EYS: variants seen among roughly 807,000 people sequenced by gnomAD.
EYS encodes the protein protein eyes shut homolog.
A neutral mutation model predicts 282.1 loss-of-function variants in EYS; 250 were observed. The ratio of observed to expected loss-of-function variants is 0.89; its 90% CI spans 0.80 to 0.98. The LOEUF (loss-of-function observed/expected upper bound fraction) is 0.98. Among genes scored for constraint, EYS ranks in the 50% least tolerant of loss-of-function variants. The pLI, the probability that EYS is intolerant of heterozygous loss-of-function variation, is 0.00. For synonymous variants in EYS, 1,355 were observed against 1,282.9 expected, an observed-to-expected ratio of 1.06 and a Z score of -1.20; for missense variants, 4,016 against 3,709.0, an observed-to-expected ratio of 1.08 and a Z score of -2.15.
intron 26 of EYS, among the ~76,000 whole-genome samples, chr6:64,468,139 C>A (rs1775985473): frequency 2.0e-5 from 3 of 152,140 alleles, no homozygotes; most frequent in Admixed American, 6.5e-5. Flanking sequence ...ATCAGCACAT[C>A]CAGCTTGTTG....
At chr6:65,256,051 G>A (rs1016297141) in intron 12 of EYS, among the ~76,000 whole-genome samples, 2 of 151,950 alleles carry the variant, frequency 1.3e-5, no homozygotes, top group African/African-American at 4.8e-5. Flanking sequence ...GCATTCCCGT[G>A]CTGCTTGCAG....
chr6:63,990,369 A>C (rs1582090168), intron 34 of EYS, among the ~76,000 whole-genome samples: 1 of 151,632 alleles, frequency 6.6e-6, no homozygotes, highest in Admixed American at 6.6e-5. Context: ...GCTGTAAGGA[A>C]AATTTATGGC....
intron 21 of EYS, among the ~76,000 whole-genome samples, chr6:64,818,111 T>G (rs1295009954): frequency 6.6e-6 from 1 of 152,152 alleles, no homozygotes; most frequent in Non-Finnish European, 1.5e-5. Flanking sequence ...TAATACTGCT[T>G]CCATGTAAAT....
chr6:64,694,255 C>G (rs1357464967), intron 22 of EYS, among the ~76,000 whole-genome samples: 1 of 152,042 alleles, frequency 6.6e-6, no homozygotes, highest in African/African-American at 2.4e-5. Flanking sequence ...GAACTTTTAT[C>G]CATGAAGGAA....
At chr6:64,451,171 G>A (rs1392310011) in intron 26 of EYS, among the ~76,000 whole-genome samples, 1 of 152,100 alleles carries the variant, frequency 6.6e-6, no homozygotes, top group African/African-American at 2.4e-5. Context: ...AAATGACAAA[G>A]GGGATATCAC....
chr6:65,550,329 T>TTTTTTATTTTTTTTTA (rs1336931694), intron 2 of EYS, among the ~76,000 whole-genome samples: 1 of 38,676 alleles, frequency 2.6e-5, no homozygotes, highest in African/African-American at 2.5e-4. Context: ...CTGAGAGTTG[T>TTTTTTATTTTTTTTTA]TTTTTATTTA....
At chr6:65,602,986 C>T (rs1481434653) in intron 2 of EYS, among the ~76,000 whole-genome samples, 2 of 151,872 alleles carry the variant, frequency 1.3e-5, no homozygotes, top group East Asian at 1.9e-4. Context: ...GAAGCAGGTT[C>T]GGTAAGGGAT....
chr6:64,143,198 A>G (rs996573673), intron 31 of EYS, among the ~76,000 whole-genome samples: 2 of 152,090 alleles, frequency 1.3e-5, no homozygotes, highest in South Asian at 4.1e-4. Flanking sequence ...TGCACAGAGG[A>G]TCTTTAAGGC....
chr6:64,482,807 A>G (rs1397952129), intron 26 of EYS, among the ~76,000 whole-genome samples: 2 of 151,618 alleles, frequency 1.3e-5, no homozygotes, highest in Non-Finnish European at 3.0e-5. Flanking sequence ...GTAGCTAACA[A>G]TTTTTTTACC....
intron 32 of EYS, among the ~76,000 whole-genome samples, chr6:64,069,636 G>T (rs1771501075): frequency 6.6e-6 from 1 of 152,028 alleles, no homozygotes; most frequent in Non-Finnish European, 1.5e-5. Context: ...TTGATATATG[G>T]ATAGATAGGT....
intron 36 of EYS, among the ~76,000 whole-genome samples, chr6:63,852,868 C>A (rs1368813773): frequency 6.6e-6 from 1 of 152,082 alleles, no homozygotes; most frequent in Non-Finnish European, 1.5e-5. Context: ...ATAAACAGAA[C>A]CAATAACAAA....
At chr6:64,356,176 C>T (rs2150406113) in intron 29 of EYS, among the ~76,000 whole-genome samples, 1 of 151,426 alleles carries the variant, frequency 6.6e-6, no homozygotes, top group South Asian at 2.1e-4. Context: ...CACTTGGTGA[C>T]TTGCCATTTA....
intron 22 of EYS, among the ~76,000 whole-genome samples, chr6:64,709,417 T>C (rs1771135773): frequency 2.0e-5 from 3 of 152,140 alleles, no homozygotes; most frequent in Admixed American, 6.5e-5. Context: ...CATTACACCT[T>C]CTTTATATAA....
intron 13 of EYS, among the ~76,000 whole-genome samples, chr6:65,036,609 T>A (rs941397620): frequency 5.3e-5 from 8 of 149,872 alleles, no homozygotes; most frequent in Non-Finnish European, 1.0e-4. Context: ...CTTAAACAAA[T>A]TAGTAAGCCA....
chr6:65,405,429 T>C (rs886699517), intron 5 of EYS, 62 bp from the exon 6 acceptor site: 12 of 1,115,630 alleles, frequency 1.1e-5, no homozygotes, highest in Non-Finnish European at 1.5e-5. Flanking sequence ...GAAATGAGCA[T>C]AGATATGTAG....
chr6:65,055,917 T>C (rs1270318726), intron 13 of EYS, among the ~76,000 whole-genome samples: 1 of 152,008 alleles, frequency 6.6e-6, no homozygotes, highest in Non-Finnish European at 1.5e-5. Flanking sequence ...CATGACCCCC[T>C]TTTTACATGC....
At chr6:65,472,963 T>C (rs2127243377) in intron 5 of EYS, among the ~76,000 whole-genome samples, 1 of 152,102 alleles carries the variant, frequency 6.6e-6, no homozygotes, top group Admixed American at 6.5e-5. Flanking sequence ...ACCGGTTTAA[T>C]GAAATGAAAC....
intron 35 of EYS, among the ~76,000 whole-genome samples, chr6:63,946,978 T>A (rs1329442528): frequency 6.6e-6 from 1 of 151,792 alleles, no homozygotes; most frequent in Non-Finnish European, 1.5e-5. Flanking sequence ...CCCATAAAAA[T>A]TAAAAATAAA....
At chr6:64,035,513 T>C (rs1255201502) in intron 33 of EYS, among the ~76,000 whole-genome samples, 3 of 152,160 alleles carry the variant, frequency 2.0e-5, no homozygotes, top group Non-Finnish European at 2.9e-5. Flanking sequence ...AATACTCCGA[T>C]GTTGGTTCTT....
Sources: allele counts gnomAD v4.1 joint callset (sites outside exome capture counted in the v4.1 genomes callset), GRCh38; gene constraint gnomAD v4.1.1; transcripts MANE v1.5; gene names NCBI Gene and HGNC (gene_info 2026-07-23, HGNC 2026-07-21).